CSMD1: variants seen among roughly 807,000 people sequenced by gnomAD.
CSMD1 encodes the protein CUB and Sushi multiple domains 1.
A neutral mutation model predicts 417.5 loss-of-function variants in CSMD1; 213 were observed. That is an observed-to-expected ratio of 0.51 (90% CI 0.46 to 0.57). The LOEUF is 0.57. CSMD1 is among the 20% of genes least tolerant of loss of function. The pLI, the probability that CSMD1 is intolerant of heterozygous loss-of-function variation, is 0.00. For synonymous variants in CSMD1, 2,862 were observed against 1,736.8 expected (o/e 1.65, Z -16.11); for missense variants, 6,923 against 4,529.7 (o/e 1.53, Z -15.17).
rs557575639 is a variant in CSMD1, at chr8:4,770,012, C to T, written c.86-132454G>A. Among the ~76,000 whole-genome samples the T allele has an allele frequency of 3.9e-5, 6 of 151,904 alleles. No individual in the cohort carries two copies. The East Asian group carries it at 1.2e-3, about 29-fold the overall frequency. ...CTCTCCCTCCCTTTTTGCAGAAAGA[C>T]ATTATTCTGTTACTCCGGTTCCTTT... On this transcript the variant is annotated intron_variant, in intron 1 of 69. Transcript: ENST00000635120.
intron 3 of CSMD1, among the ~76,000 whole-genome samples, chr8:4,145,364 A>G (rs1431436396): frequency 6.6e-6 from 1 of 151,046 alleles, no homozygotes; most frequent in Non-Finnish European, 1.5e-5. Context: ...GATCTGGAAA[A>G]ATGTCCCAAA....
chr8:2,978,331 T>G (rs1298627004), intron 55 of CSMD1, among the ~76,000 whole-genome samples: 1 of 152,118 alleles, frequency 6.6e-6, no homozygotes, highest in Non-Finnish European at 1.5e-5. Flanking sequence ...AGGCAAGCCA[T>G]GAGAAAAACA....
intron 23 of CSMD1, among the ~76,000 whole-genome samples, chr8:3,309,056 T>G (rs1459058547): frequency 2.6e-5 from 4 of 152,084 alleles, no homozygotes; most frequent in Non-Finnish European, 5.9e-5. Context: ...GTTCCACAAC[T>G]TCATCTGTCA....
chr8:3,246,266 A>G (rs17079689), intron 26 of CSMD1, among the ~76,000 whole-genome samples: 6,076 of 152,064 alleles, frequency 0.04, 381 homozygotes, highest in East Asian at 0.28. Context: ...TCTTCCTTGG[A>G]ATCCATGATC....
chr8:4,029,322 C>A (rs899283032), intron 4 of CSMD1, among the ~76,000 whole-genome samples: 1 of 152,026 alleles, frequency 6.6e-6, no homozygotes, highest in Admixed American at 6.6e-5. Flanking sequence ...TAATGCATAC[C>A]CAAGAATGGG....
At chr8:4,303,587 G>A (rs1585193741) in intron 3 of CSMD1, among the ~76,000 whole-genome samples, 1 of 151,896 alleles carries the variant, frequency 6.6e-6, no homozygotes, top group African/African-American at 2.4e-5. Flanking sequence ...TGACTGTGTG[G>A]CACCTTCTGG....
At chr8:3,849,613 C>T (rs1803749811) in intron 5 of CSMD1, among the ~76,000 whole-genome samples, 1 of 152,078 alleles carries the variant, frequency 6.6e-6, no homozygotes, top group African/African-American at 2.4e-5. Context: ...ATTCCTGGGC[C>T]TGTCTGCTGG....
intron 4 of CSMD1, among the ~76,000 whole-genome samples, chr8:4,012,446 G>T (rs1563317204): frequency 6.6e-6 from 1 of 151,986 alleles, no homozygotes; most frequent in Non-Finnish European, 1.5e-5. Context: ...TTTTATTTTT[G>T]TTTCAGGGGT....
intron 3 of CSMD1, among the ~76,000 whole-genome samples, chr8:4,393,932 A>T (rs985079380): frequency 6.6e-6 from 1 of 152,202 alleles, no homozygotes. Context: ...AGATTGTAAG[A>T]TATTGCCTGT....
At chr8:3,667,678 C>T (rs140857312) in intron 7 of CSMD1, among the ~76,000 whole-genome samples, 563 of 152,204 alleles carry the variant, frequency 3.7e-3, no homozygotes, top group Non-Finnish European at 5.6e-3. Context: ...CAGTTGTCCA[C>T]GCATGGTGAT....
intron 25 of CSMD1, among the ~76,000 whole-genome samples, chr8:3,300,570 C>G (rs541175297): frequency 9.2e-5 from 14 of 152,224 alleles, no homozygotes; most frequent in Admixed American, 3.3e-4. Context: ...ACCCAGCAAA[C>G]AAATTTCCTA....
intron 3 of CSMD1, among the ~76,000 whole-genome samples, chr8:4,086,513 T>C (rs1800427580): frequency 6.6e-6 from 1 of 152,214 alleles, no homozygotes; most frequent in Non-Finnish European, 1.5e-5. Flanking sequence ...ATTACAAAAG[T>C]GACTGGTCAA....
At chr8:4,761,364 G>A (rs549920309) in intron 1 of CSMD1, among the ~76,000 whole-genome samples, 17 of 127,822 alleles carry the variant, frequency 1.3e-4, no homozygotes, top group African/African-American at 5.0e-4. Context: ...TTGAAATCGT[G>A]TTACTTGGTG....
At chr8:4,324,175 A>T (rs149423989) in intron 3 of CSMD1, among the ~76,000 whole-genome samples, 7 of 152,342 alleles carry the variant, frequency 4.6e-5, no homozygotes, top group Non-Finnish European at 8.8e-5. Context: ...GAAATAGTAT[A>T]AAAAATATAG....
chr8:2,949,912 G>C (rs1802509435), intron 67 of CSMD1, among the ~76,000 whole-genome samples: 1 of 152,094 alleles, frequency 6.6e-6, no homozygotes, highest in African/African-American at 2.4e-5. Flanking sequence ...AGCGGTCTTG[G>C]AAAATTTCTG....
At chr8:4,706,105 A>G (rs1389392923) in intron 1 of CSMD1, among the ~76,000 whole-genome samples, 5 of 150,492 alleles carry the variant, frequency 3.3e-5, no homozygotes, top group African/African-American at 1.2e-4. Context: ...TATAAAAACT[A>G]TATATTTTCA....
intron 2 of CSMD1, among the ~76,000 whole-genome samples, chr8:4,532,099 C>T (rs914635448): frequency 2.0e-5 from 3 of 146,410 alleles, no homozygotes; most frequent in African/African-American, 5.1e-5. Flanking sequence ...GAAGAGAAAT[C>T]CTGCACCGCC....
At chr8:4,134,415 A>T (rs1414119354) in intron 3 of CSMD1, among the ~76,000 whole-genome samples, 1 of 152,190 alleles carries the variant, frequency 6.6e-6, no homozygotes, top group Non-Finnish European at 1.5e-5. Context: ...ACCTTTGAAG[A>T]CAGAGGGAGA....
At chr8:3,312,510 A>C (rs142007476) in intron 23 of CSMD1, among the ~76,000 whole-genome samples, 1 of 152,260 alleles carries the variant, frequency 6.6e-6, no homozygotes, top group East Asian at 1.9e-4. Flanking sequence ...TCAGTTTTCC[A>C]ATTTTCAGTA....
Sources: allele counts gnomAD v4.1 joint callset (sites outside exome capture counted in the v4.1 genomes callset), GRCh38; gene constraint gnomAD v4.1.1; transcripts MANE v1.5; gene names NCBI Gene and HGNC (gene_info 2026-07-23, HGNC 2026-07-21).